The following ZNF557 variants were observed in gnomAD, a reference collection of about 807,000 sequenced individuals.
ZNF557 encodes CTB-25J19.9.
ZNF557 carries 19 observed loss-of-function variants against 21.2 expected under a neutral mutation model. That is an observed-to-expected ratio of 0.90 (90% CI 0.63 to 1.32). ZNF557 has a LOEUF of 1.32. Among genes scored for constraint, ZNF557 ranks in the 40% most tolerant of loss-of-function variants. ZNF557 has a pLI of 0.00. For missense variants in ZNF557, 487 were observed against 519.8 expected (o/e 0.94, Z 0.61); for synonymous variants, 207 against 194.8 (o/e 1.06, Z -0.52).
At chr19:7,072,750 GAT>G (rs556321599) in intron 2 of ZNF557, among the ~76,000 whole-genome samples, 46 of 152,220 alleles carry the variant, frequency 3.0e-4, no homozygotes, top group African/African-American at 1.0e-3. Context: ...TCCTGGGTTG[GAT>G]GCCATGTGCC....
intron 4 of ZNF557, 114 bp downstream of exon 4, chr19:7,075,857 G>A: frequency 6.6e-7 from 1 of 1,512,550 alleles, no homozygotes; most frequent in Non-Finnish European, 8.9e-7. Flanking sequence ...GGCATCCCAG[G>A]GTCTCTGAGT....
At chr19:7,079,538 C>A (rs779062693) in intron 5 of ZNF557, among the ~76,000 whole-genome samples, 23 of 152,090 alleles carry the variant, frequency 1.5e-4, no homozygotes, top group African/African-American at 5.3e-4. Context: ...CCGCGCCCGG[C>A]CCATTTTTTT....
intron 5 of ZNF557, among the ~76,000 whole-genome samples, chr19:7,077,132 C>CTTTT (rs4031071): frequency 0.43 from 33,964 of 78,248 alleles, 8,873 homozygotes; most frequent in African/African-American, 0.53. Context: ...TGTTTTCTTT[C>CTTTT]TTTTTTTTTT....
chr19:7,080,477 T>G (rs893112213), intron 5 of ZNF557, among the ~76,000 whole-genome samples: 7 of 152,158 alleles, frequency 4.6e-5, no homozygotes, highest in African/African-American at 1.4e-4. Flanking sequence ...CTCTCCACCC[T>G]CCAGCTTCCA....
At chr19:7,079,435 G>GTT (rs35869342) in intron 5 of ZNF557, among the ~76,000 whole-genome samples, 4 of 151,366 alleles carry the variant, frequency 2.6e-5, no homozygotes, top group African/African-American at 9.7e-5. Flanking sequence ...TAGAGACAGG[G>GTT]TTCACCGTGT....
At chr19:7,079,311 G>A (rs1461332748) in intron 5 of ZNF557, among the ~76,000 whole-genome samples, 1 of 140,732 alleles carries the variant, frequency 7.1e-6, no homozygotes. Context: ...GTGCAATCTT[G>A]GCTAACTGCA....
chr19:7,083,854 CA>C lies in ZNF557; in HGVS notation c.*114del. ...TGCTACTGTGTAACAAATTACCCCC[CA>C]AAATTTTGTGGCTTCAAACAAAAAC... On this transcript the variant is annotated 3_prime_UTR_variant, in exon 8 of 8. Coordinates refer to ENST00000252840, the MANE Select transcript of ZNF557 (RefSeq NM_024341.3). The C allele has an allele frequency of 2.8e-6, 4 of 1,423,348 alleles. No homozygotes were observed. Among genetic ancestry groups the C allele is most frequent in the South Asian group, 2.8e-5 (2 of 70,490 alleles). 88.2% of individuals were successfully genotyped at this position (1,423,348 alleles called of 1,614,324 possible).
rs71177147 is a variant in ZNF557 at position 7,071,799 on chromosome 19, C to CAAAAAAA, written c.-80+1165_-80+1171dup. On this transcript the variant is annotated intron_variant, in intron 2 of 7. Transcript: ENST00000252840. The stretch of plus-strand genomic sequence containing the variant: ...TGGGCAACAGAGCAAGACTGCATCT[C>CAAAAAAA]AAAAAAAAAAAAAAAAAAAAAAAAA... Among the ~76,000 whole-genome samples the CAAAAAAA allele has an allele frequency of 1.5e-4, 8 of 55,026 alleles. 1 individual carries two copies. Among genetic ancestry groups the CAAAAAAA allele is most frequent in the Non-Finnish European group, 1.5e-4 (5 of 32,386 alleles). The allele number at this position is 55,026 out of a possible 152,430, so 36.1% of individuals were successfully genotyped here. A position where few individuals can be genotyped will look rare whatever the true frequency, so the allele number is the denominator to read the frequency against.
rs1254754737 is a variant in ZNF557, at chr19:7,086,405, A to G, written c.*2661A>G. ...GAGACGGAGTCTTGCTCTGTTGTCCAGGCTAGAATGCAGTGGCGCGATTGT... is the reference window on the plus strand; with the variant it reads ...GAGACGGAGTCTTGCTCTGTTGTCCGGGCTAGAATGCAGTGGCGCGATTGT... On this transcript the variant is annotated 3_prime_UTR_variant, in exon 8 of 8. Coordinates refer to ENST00000252840, the MANE Select transcript of ZNF557 (RefSeq NM_024341.3). 1 of 117,418 alleles carries G rather than the reference A, an allele frequency of 8.5e-6. No individual in the cohort carries two copies. Among genetic ancestry groups the G allele is most frequent in the African/African-American group, 3.4e-5 (1 of 29,752 alleles). 7.3% of individuals were successfully genotyped at this position (117,418 alleles called of 1,614,324 possible).
At position 7,087,850 on chromosome 19, in the gene ZNF557, A is replaced by G. The variant is rs1439222929; in HGVS notation, c.*4106A>G. ...TATACTATGTATCTAATTTTTGGATACAGGATGGACATACGTACTCAAACT... is the reference window on the plus strand; with the variant it reads ...TATACTATGTATCTAATTTTTGGATGCAGGATGGACATACGTACTCAAACT... On this transcript the variant is annotated 3_prime_UTR_variant, in exon 8 of 8. Transcript: ENST00000252840. 3 of 151,902 alleles carry G rather than the reference A, an allele frequency of 2.0e-5. No individual in the cohort carries two copies. Among genetic ancestry groups the G allele is most frequent in the Non-Finnish European group, 4.4e-5 (3 of 67,936 alleles). The allele number at this position is 151,902 out of a possible 1,614,324, so 9.4% of individuals were successfully genotyped here. A position where few individuals can be genotyped will look rare whatever the true frequency, so the allele number is the denominator to read the frequency against.
chr19:7,081,840 C>T lies in ZNF557; in HGVS notation c.344-130C>T, dbSNP rs893730810. ...AATTTTCACACCCATATCTCTTTCA[C>T]CGAATGCCTTCTCAAAAACCCTCAC... On this transcript the variant is annotated intron_variant, in intron 6 of 7. Coordinates refer to ENST00000252840, the MANE Select transcript of ZNF557 (RefSeq NM_024341.3). The T allele has an allele frequency of 4.2e-5, 28 of 670,482 alleles. No homozygotes were observed. The African/African-American group carries it at 5.1e-4, about 12-fold the overall frequency. 41.5% of individuals were successfully genotyped at this position (670,482 alleles called of 1,614,324 possible).
chr19:7,071,175 C>T (rs895351082), intron 2 of ZNF557, among the ~76,000 whole-genome samples: 2 of 152,134 alleles, frequency 1.3e-5, no homozygotes, highest in African/African-American at 2.4e-5. Flanking sequence ...CAAATCAGTA[C>T]ACAAAACATG....
chr19:7,079,535 C>T (rs1005634273), intron 5 of ZNF557, among the ~76,000 whole-genome samples: 11 of 152,014 alleles, frequency 7.2e-5, no homozygotes, highest in South Asian at 2.1e-4. Flanking sequence ...CCACCGCGCC[C>T]GGCCCATTTT....
intron 2 of ZNF557, among the ~76,000 whole-genome samples, chr19:7,071,522 A>G (rs546214616): frequency 6.6e-6 from 1 of 152,292 alleles, no homozygotes; most frequent in South Asian, 2.1e-4. Flanking sequence ...GTCCATTGCA[A>G]TGAAGCCAGA....
chr19:7,082,131 G>A (rs1465374063), intron 7 of ZNF557, 79 bp downstream of exon 7: 9 of 1,172,940 alleles, frequency 7.7e-6, no homozygotes, highest in African/African-American at 6.2e-5. Flanking sequence ...GACTGGCCTT[G>A]TTGGCCAGGC....
chr19:7,071,610 G>A (rs985232231), intron 2 of ZNF557, among the ~76,000 whole-genome samples: 3 of 152,046 alleles, frequency 2.0e-5, no homozygotes, highest in South Asian at 2.1e-4. Context: ...TTGGGAGGCC[G>A]AGGTAGGTGG....
intron 5 of ZNF557, among the ~76,000 whole-genome samples, chr19:7,077,829 A>T (rs1977618435): frequency 6.6e-6 from 1 of 152,128 alleles, no homozygotes. Context: ...TCCTTTTTTT[A>T]AAAAATTATG....
rs1042402410 is a variant in ZNF557 at position 7,086,318 on chromosome 19, T to G, written c.*2574T>G. 2.0e-5 allele frequency: 3 copies of G among 151,428 alleles called. No individual in the cohort carries two copies. Among genetic ancestry groups the G allele is most frequent in the African/African-American group, 7.3e-5 (3 of 41,258 alleles). The allele number at this position is 151,428 out of a possible 1,614,324, so 9.4% of individuals were successfully genotyped here. On this transcript the variant is annotated 3_prime_UTR_variant, in exon 8 of 8. Coordinates refer to ENST00000252840, the MANE Select transcript of ZNF557 (RefSeq NM_024341.3). ...AGTACATGGACTTTGTGATTTTGGT[T>G]GTTTTCTCTTTGTGTCCTAATATAG...
At chr19:7,076,690 T>C (rs1977592983) in intron 5 of ZNF557, among the ~76,000 whole-genome samples, 183 bp downstream of exon 5, 1 of 152,090 alleles carries the variant, frequency 6.6e-6, no homozygotes. Flanking sequence ...TTCCAGAACA[T>C]AGTTGTCACA....
Sources: gnomAD v4.1 joint callset for allele counts (sites outside exome capture counted in the v4.1 genomes callset) on GRCh38, gnomAD v4.1.1 for gene constraint, MANE v1.5 for transcripts, NCBI Gene and HGNC (gene_info 2026-07-23, HGNC 2026-07-21) for gene names.